ASB5: variants seen among roughly 807,000 people sequenced by gnomAD.
ASB5 encodes the protein ankyrin repeat and SOCS box containing 5.
ASB5 carries 45 observed loss-of-function variants against 42.1 expected under a neutral mutation model. The observed-to-expected ratio is 1.07, with a 90% CI of 0.84 to 1.37. The LOEUF (loss-of-function observed/expected upper bound fraction) is 1.37, where lower values mean the gene tolerates loss of function less well. ASB5 is among the 40% of genes most tolerant of loss of function. The pLI is 0.00. For missense variants in ASB5, 402 were observed against 399.8 expected (o/e 1.01, Z -0.05); for synonymous variants, 147 against 150.6 (o/e 0.98, Z 0.18).
intron 1 of ASB5, among the ~76,000 whole-genome samples, chr4:176,236,445 C>A (rs1192487331): frequency 6.6e-6 from 1 of 151,960 alleles, no homozygotes; most frequent in Non-Finnish European, 1.5e-5. Flanking sequence ...CCACTTTTTT[C>A]CTTGCTGGTA....
chr4:176,247,518 T>C (rs1753935049), intron 1 of ASB5, among the ~76,000 whole-genome samples: 1 of 152,316 alleles, frequency 6.6e-6, no homozygotes, highest in African/African-American at 2.4e-5. Flanking sequence ...AGCAGACTCA[T>C]GCATGAATAA....
intron 1 of ASB5, among the ~76,000 whole-genome samples, chr4:176,250,676 G>A (rs1754015612): frequency 6.6e-6 from 1 of 152,240 alleles, no homozygotes; most frequent in African/African-American, 2.4e-5. Flanking sequence ...AACAGAGATT[G>A]TCTGCTTCTG....
At chr4:176,231,221 C>T (rs1442269950) in intron 1 of ASB5, among the ~76,000 whole-genome samples, 1 of 84,338 alleles carries the variant, frequency 1.2e-5, no homozygotes, top group African/African-American at 4.7e-5. Context: ...AAATCCGACT[C>T]ATAATTTTTT....
chr4:176,271,694 A>G (rs1207543727), upstream of ASB5, among the ~76,000 whole-genome samples: 1 of 152,174 alleles, frequency 6.6e-6, no homozygotes, highest in Non-Finnish European at 1.5e-5. Context: ...TGCTACATGC[A>G]TATATTTATT....
In ASB5 at chr4:176,238,531, C is replaced by T. The variant is rs1753743308; in HGVS notation, c.197-13190G>A. On this transcript the variant is annotated intron_variant, in intron 1 of 6. Coordinates refer to ENST00000296525, the MANE Select transcript of ASB5 (RefSeq NM_080874.4). ...AAAGGCACAGAGTCTATGATGGAAT[C>T]AAGAGCAGCGACCGAACTATGATAG... Among the ~76,000 whole-genome samples the T allele has an allele frequency of 2.0e-5, 3 of 152,150 alleles. No individual in the cohort carries two copies. In the South Asian group the frequency reaches 6.2e-4, roughly 32 times the overall value.
chr4:176,272,246 C>A (rs901233473), upstream of ASB5, among the ~76,000 whole-genome samples: 1 of 152,072 alleles, frequency 6.6e-6, no homozygotes, highest in Non-Finnish European at 1.5e-5. Flanking sequence ...AAGGTAGGGT[C>A]CAGTGATTAA....
At chr4:176,250,043 T>C (rs376835048) in intron 1 of ASB5, among the ~76,000 whole-genome samples, 3,616 of 144,254 alleles carry the variant, frequency 0.025, 67 homozygotes, top group Middle Eastern at 0.043. Flanking sequence ...CCAGCCTGGG[T>C]GACAGAGTGA....
intron 1 of ASB5, among the ~76,000 whole-genome samples, chr4:176,238,437 G>T (rs1753740659): frequency 6.6e-6 from 1 of 152,100 alleles, no homozygotes; most frequent in African/African-American, 2.4e-5. Context: ...CAGAGGAAAG[G>T]GTAGTTGGCA....
intron 2 of ASB5, among the ~76,000 whole-genome samples, chr4:176,222,779 G>A (rs1753257342): frequency 1.3e-5 from 2 of 152,110 alleles, no homozygotes; most frequent in South Asian, 4.2e-4. Flanking sequence ...TTGTTGTTTT[G>A]TTTTTGTTTT....
chr4:176,223,969 A>T (rs927304637), intron 2 of ASB5, among the ~76,000 whole-genome samples: 4 of 152,100 alleles, frequency 2.6e-5, no homozygotes, highest in African/African-American at 7.2e-5. Context: ...GAACAAAACA[A>T]AACAGTCACA....
rs542119948 is a variant in ASB5 at position 176,258,195 on chromosome 4, T to C, written c.196+10718A>G. ...CAGACACTGTGGCAAGTGATTAAGG[T>C]AATAAATTATATTTCATATAAGATT... On this transcript the variant is annotated intron_variant, in intron 1 of 6. Transcript: ENST00000296525. Among the ~76,000 whole-genome samples the C allele has an allele frequency of 3.9e-5, 6 of 152,314 alleles. No homozygotes were observed. In the South Asian group the frequency reaches 1.0e-3, roughly 26 times the overall value.
At chr4:176,250,058 C>T (rs1238083700) in intron 1 of ASB5, among the ~76,000 whole-genome samples, 1 of 120,482 alleles carries the variant, frequency 8.3e-6, no homozygotes, top group South Asian at 2.7e-4. Context: ...GAGTGAGACT[C>T]CATCTCAAAA....
chr4:176,237,345 C>G (rs1753711018), intron 1 of ASB5: 1 of 985,796 alleles, frequency 1.0e-6, no homozygotes, highest in Admixed American at 6.1e-5. Context: ...GAACATTCCT[C>G]TATACTCACT....
At chr4:176,267,330 T>G (rs13129242) in intron 1 of ASB5, among the ~76,000 whole-genome samples, 34,913 of 152,178 alleles carry the variant, frequency 0.23, 4,070 homozygotes, top group African/African-American at 0.28. Context: ...ATGTCACATT[T>G]TGATATAGTT....
chr4:176,229,254 A>G (rs560305858), intron 1 of ASB5, among the ~76,000 whole-genome samples: 1 of 152,276 alleles, frequency 6.6e-6, no homozygotes, highest in African/African-American at 2.4e-5. Flanking sequence ...AGTTAACAGG[A>G]AAATTAACCA....
At chr4:176,260,688 TG>T (rs1461362151) in intron 1 of ASB5, among the ~76,000 whole-genome samples, 2 of 152,206 alleles carry the variant, frequency 1.3e-5, no homozygotes, top group Admixed American at 6.5e-5. Flanking sequence ...TTGTTTGTTT[TG>T]TTTTTTTGAG....
chr4:176,226,669 C>T (rs886349156), intron 1 of ASB5, among the ~76,000 whole-genome samples: 10 of 152,162 alleles, frequency 6.6e-5, no homozygotes, highest in African/African-American at 2.2e-4. Flanking sequence ...AGATCAGCCA[C>T]AAAAAAGTTC....
chr4:176,264,602 G>T (rs1754322509), intron 1 of ASB5, among the ~76,000 whole-genome samples: 1 of 152,080 alleles, frequency 6.6e-6, no homozygotes, highest in Non-Finnish European at 1.5e-5. Flanking sequence ...GATTTACTTT[G>T]ATATTTCCCA....
chr4:176,236,834 A>G (rs773732662), intron 1 of ASB5, among the ~76,000 whole-genome samples: 1 of 152,104 alleles, frequency 6.6e-6, no homozygotes, highest in Non-Finnish European at 1.5e-5. Context: ...TCTCCTTTCT[A>G]TCTTTCATAG....
Sources: allele counts gnomAD v4.1 joint callset (sites outside exome capture counted in the v4.1 genomes callset), GRCh38; gene constraint gnomAD v4.1.1; transcripts MANE v1.5; gene names NCBI Gene and HGNC (gene_info 2026-07-23, HGNC 2026-07-21).